Variants in CELF2 observed in about 807,000 individuals in gnomAD.
CELF2 encodes the protein CUGBP Elav-like family member 2.
A neutral mutation model predicts 62.6 loss-of-function variants in CELF2; 8 were observed. That is an observed-to-expected ratio of 0.13 (90% CI 0.07 to 0.23). The LOEUF (loss-of-function observed/expected upper bound fraction) is 0.23. Among genes scored for constraint, CELF2 ranks in the 10% least tolerant of loss-of-function variants. The pLI, the probability that CELF2 is intolerant of heterozygous loss-of-function variation, is 1.00. For missense variants in CELF2, 333 were observed against 671.0 expected, an observed-to-expected ratio of 0.50 and a Z score of 5.56; for synonymous variants, 258 against 250.0, an observed-to-expected ratio of 1.03 and a Z score of -0.30.
At position 11,257,734 on chromosome 10, in the gene CELF2, C is replaced by T; in HGVS notation, c.404-4C>T. 6.2e-7 allele frequency: 1 copy of T among 1,613,124 alleles called. No homozygotes were observed. The highest frequency in any genetic ancestry group is 8.5e-7 in the Non-Finnish European group (1 of 1,179,110). ...TTTGCTCATTCGTTATTTTTATCTC[C>T]TAGCTGTGGAAGACAGAAAATTGTT... On this transcript the variant is annotated splice_polypyrimidine_tract_variant and splice_region_variant and intron_variant, in intron 4 of 12. Transcript: ENST00000633077.
Position 10,942,442 on chromosome 10 carries a change from G to C in CELF2, c.89+22443G>C, listed in dbSNP as rs144824167. Among the ~76,000 whole-genome samples, 5 of 152,274 alleles carry C rather than the reference G, an allele frequency of 3.3e-5. No homozygotes were observed. In the East Asian group the frequency reaches 5.8e-4, roughly 18 times the overall value. On this transcript the variant is annotated intron_variant, in intron 2 of 13. Coordinates refer to the CELF2 transcript ENST00000636488. ...TTTCTTATGGTCTATTGGAATGAGG[G>C]CCTTAGTCCCTGCCTTTCTGTTGCC...
At chr10:10,578,231 G>T in the CELF2 span, among the ~76,000 whole-genome samples, 33 of 150,650 alleles carry the variant, frequency 2.2e-4, no homozygotes, top group Non-Finnish European at 4.0e-4. Context: ...TTGTAAATTT[G>T]TTTGAGTTCA....
the CELF2 span, among the ~76,000 whole-genome samples, chr10:10,706,767 C>A: frequency 6.6e-6 from 1 of 152,266 alleles, no homozygotes; most frequent in East Asian, 1.9e-4. Context: ...ACTCAAATTT[C>A]CAGACACAAA....
Position 11,260,478 on chromosome 10 carries a change from C to T in CELF2, c.538+2606C>T, listed in dbSNP as rs1215751185. Among the ~76,000 whole-genome samples, 1 of 152,184 alleles carries T rather than the reference C, an allele frequency of 6.6e-6. No individual in the cohort carries two copies. Among genetic ancestry groups the T allele is most frequent in the African/African-American group, 2.4e-5 (1 of 41,436 alleles). ...CCTCCATGGGAAAGAGCAGGACACG[C>T]AGTACTTAACAAGAGAACTTAGCTA... On this transcript the variant is annotated intron_variant, in intron 5 of 12. Transcript: ENST00000633077. This position sits in a 1 kb window ranked among gnomAD's most constrained non-coding sequence, Gnocchi z 4.2.
At chr10:11,141,398 A>T (rs1165492138) in intron 1 of CELF2, among the ~76,000 whole-genome samples, 1 of 152,212 alleles carries the variant, frequency 6.6e-6, no homozygotes, top group Admixed American at 6.5e-5. Context: ...GAGGGGTAGG[A>T]TGGGAAGAGT....
At chr10:10,797,846 G>A (rs1346133299), upstream of CELF2, among the ~76,000 whole-genome samples, 1 of 152,194 alleles carries the variant, frequency 6.6e-6, no homozygotes, top group Non-Finnish European at 1.5e-5. Context: ...CATACGGGGC[G>A]AAGGGATAAG....
chr10:11,237,288 G>A lies in CELF2; in HGVS notation c.355-11865G>A, dbSNP rs150711247. Among the ~76,000 whole-genome samples the A allele has an allele frequency of 1.2e-3, 190 of 152,326 alleles. 2 individuals carry two copies. The highest frequency in any genetic ancestry group is 4.4e-3 in the African/African-American group (184 of 41,576). On this transcript the variant is annotated intron_variant, in intron 3 of 12. Transcript: ENST00000633077. The surrounding 1 kb of genome is among the most constrained non-coding windows in gnomAD (Gnocchi z 4.0). ...GCCACGCCAGAGTGTTAGGTGAGAG[G>A]TCTGAGAAGCTGGAAGAGCTGCCCC...
chr10:10,590,930 T>G, the CELF2 span, among the ~76,000 whole-genome samples: 1 of 152,228 alleles, frequency 6.6e-6, no homozygotes, highest in Non-Finnish European at 1.5e-5. Context: ...CTATGGTAGA[T>G]GAATAAAATT....
chr10:11,096,392 T>G (rs2049887722), intron 1 of CELF2: 1 of 152,232 alleles, frequency 6.6e-6, no homozygotes, highest in South Asian at 2.1e-4. Context: ...AACTGTAGTG[T>G]TGACTTAAGC....
chr10:11,133,881 A>G (rs1269473393), intron 1 of CELF2, among the ~76,000 whole-genome samples: 1 of 152,182 alleles, frequency 6.6e-6, no homozygotes, highest in Admixed American at 6.5e-5. Flanking sequence ...GTCTTTAAAG[A>G]CTGTCCCCTC....
the CELF2 span, among the ~76,000 whole-genome samples, chr10:10,563,992 T>C: frequency 6.6e-6 from 1 of 152,262 alleles, no homozygotes; most frequent in Non-Finnish European, 1.5e-5. Flanking sequence ...GGCTTGATGC[T>C]ATGCATCTTC....
intron 1 of CELF2, among the ~76,000 whole-genome samples, chr10:11,151,499 T>C (rs1425285991): frequency 3.3e-5 from 5 of 152,178 alleles, no homozygotes; most frequent in Admixed American, 3.3e-4. Flanking sequence ...TCCAGTTGAG[T>C]GAGGTGGATA....
intron 1 of CELF2, among the ~76,000 whole-genome samples, chr10:11,089,809 A>T (rs932143179): frequency 1.3e-5 from 2 of 152,326 alleles, no homozygotes; most frequent in Admixed American, 1.3e-4. Context: ...TGGATAAAGA[A>T]AATGTGTTGT....
chr10:10,667,663 C>G, the CELF2 span, among the ~76,000 whole-genome samples: 1 of 152,170 alleles, frequency 6.6e-6, no homozygotes. Context: ...TGGGCTTATG[C>G]AAATGAGATT....
At chr10:10,833,762 A>G (rs1012596441) in intron 1 of CELF2, among the ~76,000 whole-genome samples, 1 of 152,246 alleles carries the variant, frequency 6.6e-6, no homozygotes, top group Non-Finnish European at 1.5e-5. Context: ...TCACAATGAG[A>G]TACCATCTCG....
Position 11,079,739 on chromosome 10 carries a change from CA to C in CELF2, c.74+61577del, listed in dbSNP as rs540648058. On this transcript the variant is annotated intron_variant, in intron 1 of 12. Coordinates refer to ENST00000633077, the MANE Select transcript of CELF2 (RefSeq NM_001326342.2). ...ATAGCAGTGTGAGAATGGACTAATA[CA>C]GCCCCCCCCCCCTTTTTAGGCCATG... 3.3e-3 allele frequency among the ~76,000 whole-genome samples: 277 copies of C among 84,628 alleles called. 8 individuals are homozygous for C. Among genetic ancestry groups the C allele is most frequent in the Admixed American group, 0.03 (259 of 8,590 alleles). The allele number at this position is 84,628 out of a possible 152,430, so 55.5% of individuals were successfully genotyped here. A position where few individuals can be genotyped will look rare whatever the true frequency, so the allele number is the denominator to read the frequency against.
upstream of CELF2, among the ~76,000 whole-genome samples, chr10:11,016,164 T>C (rs1392428607): frequency 6.6e-6 from 1 of 152,216 alleles, no homozygotes; most frequent in Non-Finnish European, 1.5e-5. The surrounding 1 kb of genome is among the most constrained non-coding windows in gnomAD (Gnocchi z 5.2). Flanking sequence ...AGCTAATTAT[T>C]AAGATAATTG....
chr10:10,916,427 G>A (rs373559033), intron 1 of CELF2, among the ~76,000 whole-genome samples: 14 of 152,314 alleles, frequency 9.2e-5, no homozygotes, highest in Middle Eastern at 3.4e-3. Flanking sequence ...GCACATGAGC[G>A]TGTAAAGCAT....
intron 2 of CELF2, among the ~76,000 whole-genome samples, chr10:10,954,015 G>T (rs1423322485): frequency 6.6e-6 from 1 of 151,746 alleles, no homozygotes; most frequent in Non-Finnish European, 1.5e-5. Flanking sequence ...GTGAAAAGAT[G>T]CATCACACAC....
Sources: gnomAD v4.1 joint callset for allele counts (sites outside exome capture counted in the v4.1 genomes callset) on GRCh38, gnomAD v4.1.1 for gene constraint, Gnocchi (gnomAD v3.1) non-coding constraint, MANE v1.5 for transcripts, NCBI Gene and HGNC (gene_info 2026-07-23, HGNC 2026-07-21) for gene names.